The following ALDH1A1 variants were observed in gnomAD, a reference collection of about 807,000 sequenced individuals.
ALDH1A1 encodes aldehyde dehydrogenase 1A1.
In ALDH1A1, 19 loss-of-function variants were observed where a neutral mutation model predicts 62.1. The ratio of observed to expected loss-of-function variants is 0.31; its 90% confidence interval spans 0.21 to 0.45. The LOEUF (loss-of-function observed/expected upper bound fraction) is 0.45. ALDH1A1 is among the 20% of genes least tolerant of loss of function. ALDH1A1 has a pLI of 1.00. For synonymous variants in ALDH1A1, 231 were observed against 215.9 expected (o/e 1.07, Z -0.61); for missense variants, 521 against 607.1 (o/e 0.86, Z 1.49).
intron 11 of ALDH1A1, among the ~76,000 whole-genome samples, chr9:72,908,623 GAAA>G (rs1829934863): frequency 6.0e-5 from 7 of 117,116 alleles, no homozygotes; most frequent in Admixed American, 4.5e-4. Flanking sequence ...AAGAAAGAAA[GAAA>G]GAGAATATTG....
intron 9 of ALDH1A1, among the ~76,000 whole-genome samples, chr9:72,914,092 T>C (rs1312315547): frequency 6.6e-6 from 1 of 152,188 alleles, no homozygotes; most frequent in Non-Finnish European, 1.5e-5. Context: ...GGCTAGTCTA[T>C]GAAATGTATT....
At chr9:72,919,111 C>A (rs528892237) in intron 7 of ALDH1A1, among the ~76,000 whole-genome samples, 1 of 152,194 alleles carries the variant, frequency 6.6e-6, no homozygotes, top group East Asian at 1.9e-4. Flanking sequence ...CTCATCCAAG[C>A]ATACAGACAT....
In ALDH1A1 at chr9:72,923,922, G is replaced by T. The variant is rs545667576; in HGVS notation, c.747+97C>A. 8.4e-5 allele frequency: 65 copies of T among 771,346 alleles called. No individual in the cohort carries two copies. In the African/African-American group the frequency reaches 1.0e-3, roughly 12 times the overall value. 47.8% of individuals were successfully genotyped at this position (771,346 alleles called of 1,614,324 possible). Reference sequence around the variant, plus strand: ...TAACAAATCATTAAAAAGAGTTTTTGTTTTAAAATTGTTGGCTCAAAAATA... The same window carrying T: ...TAACAAATCATTAAAAAGAGTTTTTTTTTTAAAATTGTTGGCTCAAAAATA... On this transcript the variant is annotated intron_variant, in intron 7 of 12. Transcript: ENST00000297785.
At chr9:72,946,271 T>A (rs917468173) in intron 1 of ALDH1A1, among the ~76,000 whole-genome samples, 4 of 152,150 alleles carry the variant, frequency 2.6e-5, no homozygotes, top group Middle Eastern at 3.4e-3. Context: ...GTTATTTGTA[T>A]TCCTTTGACA....
chr9:72,908,553 AAG>A (rs1461417725), intron 11 of ALDH1A1, among the ~76,000 whole-genome samples: 287 of 3,278 alleles, frequency 0.088, no homozygotes, highest in African/African-American at 0.11. Context: ...GAAAAGAAAG[AAG>A]AAAGAAAGAA....
rs377611939 is a variant in ALDH1A1 at position 72,928,850 on chromosome 9, C to T, written c.442+42G>A. ...TTATTCAGCTCTATAGTAAACTCCT[C>T]GCTCCTATCCTCACCATTAGTGGTT... On this transcript the variant is annotated intron_variant, in intron 4 of 12. Coordinates refer to ENST00000297785, the MANE Select transcript of ALDH1A1 (RefSeq NM_000689.5). 3.6e-5 allele frequency: 57 copies of T among 1,581,494 alleles called. No homozygotes were observed. The African/African-American group carries it at 4.7e-4, about 13-fold the overall frequency.
At chr9:72,947,328 T>C (rs1458782225) in intron 1 of ALDH1A1, among the ~76,000 whole-genome samples, 1 of 151,958 alleles carries the variant, frequency 6.6e-6, no homozygotes, top group Non-Finnish European at 1.5e-5. Flanking sequence ...GAAGCTCTAT[T>C]GTGAAGTAAC....
intron 3 of ALDH1A1, among the ~76,000 whole-genome samples, chr9:72,929,315 C>G (rs1004122209): frequency 6.6e-6 from 1 of 152,190 alleles, no homozygotes; most frequent in Admixed American, 6.5e-5. Context: ...TTGATATACA[C>G]ATAACATCTG....
At chr9:72,950,861 ATT>A (rs11325184) in intron 1 of ALDH1A1, among the ~76,000 whole-genome samples, 37 of 150,692 alleles carry the variant, frequency 2.5e-4, no homozygotes, top group African/African-American at 3.9e-4. Context: ...AATAACCATC[ATT>A]TTTTTTTTTA....
chr9:72,939,966 A>G (rs1563916360), intron 2 of ALDH1A1, among the ~76,000 whole-genome samples, 182 bp downstream of exon 2: 2 of 134,976 alleles, frequency 1.5e-5, no homozygotes, highest in Non-Finnish European at 3.1e-5. Context: ...TCATTATTAC[A>G]TAACTACAGA....
At chr9:72,921,240 CAAAAAAAAA>C (rs1025687679) in intron 7 of ALDH1A1, among the ~76,000 whole-genome samples, 1 of 79,082 alleles carries the variant, frequency 1.3e-5, no homozygotes, top group African/African-American at 4.1e-5. Context: ...CGACTCCTCT[CAAAAAAAAA>C]AAAAAAAAAA....
intron 11 of ALDH1A1, among the ~76,000 whole-genome samples, chr9:72,908,548 G>T: frequency 3.4e-5 from 1 of 29,722 alleles, no homozygotes. Context: ...AGAAAGAAAA[G>T]AAAGAAGAAA....
intron 2 of ALDH1A1, among the ~76,000 whole-genome samples, chr9:72,935,902 G>C (rs547501665): frequency 3.3e-5 from 5 of 152,208 alleles, no homozygotes; most frequent in Admixed American, 6.5e-5. Flanking sequence ...AGCAATGTCG[G>C]AGTTTACTAT....
rs751496310 is a variant in ALDH1A1, at chr9:72,931,028, CA to C, written c.172-10del. On this transcript the variant is annotated splice_polypyrimidine_tract_variant and intron_variant, in intron 2 of 12. Transcript: ENST00000297785. Reference sequence around the variant, plus strand: ...GCCTTGTCAACATCCTCCTGTAAGTCAACAGGAATTCAATTCAGTAAGCTAA... The same window carrying C: ...GCCTTGTCAACATCCTCCTGTAAGTCACAGGAATTCAATTCAGTAAGCTAA... 8 of 1,613,786 alleles carry C rather than the reference CA, an allele frequency of 5.0e-6. No individual in the cohort carries two copies. The African/African-American group carries it at 1.1e-4, about 22-fold the overall frequency.
At chr9:72,912,491 G>A (rs1830004998) in intron 9 of ALDH1A1, among the ~76,000 whole-genome samples, 1 of 152,134 alleles carries the variant, frequency 6.6e-6, no homozygotes, top group South Asian at 2.1e-4. Flanking sequence ...GAAATGAAAG[G>A]AGGGAAAAGA....
rs367550302 is a variant in ALDH1A1, at chr9:72,953,043, T to C, written c.-43A>G. On this transcript the variant is annotated 5_prime_UTR_variant, in exon 1 of 13. Coordinates refer to ENST00000297785, the MANE Select transcript of ALDH1A1 (RefSeq NM_000689.5). ...GAACACAGGTGACTGGCTCAGCAAT[T>C]TGGTTCTGATAGAGCACTTGGCTTT... The C allele has an allele frequency of 2.0e-4, 329 of 1,612,610 alleles. No homozygotes were observed. The highest frequency in any genetic ancestry group is 1.6e-4 in the Middle Eastern group (1 of 6,074).
intron 2 of ALDH1A1, among the ~76,000 whole-genome samples, chr9:72,933,345 A>G (rs536499604): frequency 6.6e-6 from 1 of 152,334 alleles, no homozygotes; most frequent in African/African-American, 2.4e-5. Context: ...CATACAATCA[A>G]ATCACTATCC....
Position 72,921,548 on chromosome 9 carries a change from A to C in ALDH1A1, c.747+2471T>G, listed in dbSNP as rs1830145871. 3.0e-5 allele frequency among the ~76,000 whole-genome samples: 4 copies of C among 133,018 alleles called. No individual in the cohort carries two copies. The Admixed American group carries it at 3.2e-4, about 11-fold the overall frequency. The allele number at this position is 133,018 out of a possible 152,430, so 87.3% of individuals were successfully genotyped here. On this transcript the variant is annotated intron_variant, in intron 7 of 12. Coordinates refer to ENST00000297785, the MANE Select transcript of ALDH1A1 (RefSeq NM_000689.5). ...TTTTTTTTTTTTTAATTATACTCTA[A>C]GTTTTAGGGTACATGTGCACATTGT... is the stretch of plus-strand genomic sequence containing the variant.
chr9:72,927,408 T>C (rs965425265), intron 4 of ALDH1A1, among the ~76,000 whole-genome samples: 2 of 152,160 alleles, frequency 1.3e-5, no homozygotes, highest in Non-Finnish European at 2.9e-5. Flanking sequence ...AAATGGTAAG[T>C]GAAGCCCTAA....
Sources: gnomAD v4.1 joint callset for allele counts (sites outside exome capture counted in the v4.1 genomes callset) on GRCh38, gnomAD v4.1.1 for gene constraint, MANE v1.5 for transcripts, NCBI Gene and HGNC (gene_info 2026-07-23, HGNC 2026-07-21) for gene names.